The following SH3RF3 variants were observed in gnomAD, a reference collection of about 807,000 sequenced individuals.
The protein encoded by SH3RF3 is E3 ubiquitin-protein ligase SH3RF3.
SH3RF3 carries 29 observed loss-of-function variants against 66.3 expected under a neutral mutation model. The observed-to-expected ratio is 0.44, with a 90% CI of 0.33 to 0.60. The LOEUF (loss-of-function observed/expected upper bound fraction) is 0.60. Among genes scored for constraint, SH3RF3 ranks in the 20% least tolerant of loss-of-function variants. The probability of loss-of-function intolerance (pLI) is 0.04; values close to 1 mark genes in which losing one functional copy is unlikely to be tolerated. For missense variants in SH3RF3, 1,194 were observed against 1,190.9 expected (o/e 1.00, Z -0.04); for synonymous variants, 583 against 532.0 (o/e 1.10, Z -1.32).
intron 1 of SH3RF3, among the ~76,000 whole-genome samples, chr2:109,306,216 T>A (rs1194766964): frequency 6.6e-6 from 1 of 152,176 alleles, no homozygotes; most frequent in Non-Finnish European, 1.5e-5. Flanking sequence ...AGAGATGCAG[T>A]CTGCCAGATG....
intron 1 of SH3RF3, among the ~76,000 whole-genome samples, chr2:109,220,913 C>G (rs1283355372): frequency 6.6e-6 from 1 of 152,184 alleles, no homozygotes; most frequent in Non-Finnish European, 1.5e-5. Flanking sequence ...CAGTTCTATT[C>G]CTAGGCTTAT....
chr2:109,219,634 A>G (rs1304849850), intron 1 of SH3RF3, among the ~76,000 whole-genome samples: 2 of 152,244 alleles, frequency 1.3e-5, no homozygotes, highest in African/African-American at 4.8e-5. Flanking sequence ...CTCACAGTTC[A>G]GTTGTATTTC....
intron 3 of SH3RF3, among the ~76,000 whole-genome samples, chr2:109,390,929 G>A (rs948745299): frequency 2.6e-5 from 4 of 152,190 alleles, no homozygotes; most frequent in Non-Finnish European, 5.9e-5. Context: ...TGTGACAGCT[G>A]GGGTAGGCGG....
At chr2:109,214,470 A>G (rs1679063571) in intron 1 of SH3RF3, among the ~76,000 whole-genome samples, 1 of 149,748 alleles carries the variant, frequency 6.7e-6, no homozygotes, top group Non-Finnish European at 1.5e-5. Flanking sequence ...GTCATAGAAA[A>G]GAGAAAAAAA....
At chr2:109,306,095 A>G (rs935503392) in intron 1 of SH3RF3, among the ~76,000 whole-genome samples, 1 of 152,170 alleles carries the variant, frequency 6.6e-6, no homozygotes, top group African/African-American at 2.4e-5. Context: ...GCTTTTGTCT[A>G]CCTCACGCTA....
intron 3 of SH3RF3, among the ~76,000 whole-genome samples, chr2:109,387,319 C>T (rs1675849418): frequency 6.6e-6 from 1 of 152,158 alleles, no homozygotes; most frequent in Non-Finnish European, 1.5e-5. Context: ...CTGTTGTGTC[C>T]CTGTGCTGCT....
In SH3RF3 at chr2:109,170,546, A is replaced by G. The variant is rs374013609; in HGVS notation, c.573+40433A>G. On this transcript the variant is annotated intron_variant, in intron 1 of 9. Coordinates refer to ENST00000309415, the MANE Select transcript of SH3RF3 (RefSeq NM_001099289.3). ...TTTTTAGTAGAGATGGGGTTTCACTATGTTGGCCAGGATGGTCTCGATCTC... is the reference window on the plus strand; with the variant it reads ...TTTTTAGTAGAGATGGGGTTTCACTGTGTTGGCCAGGATGGTCTCGATCTC... Among the ~76,000 whole-genome samples the G allele has an allele frequency of 9.5e-4, 145 of 151,934 alleles. 1 individual carries two copies. The South Asian group carries it at 0.012, about 12-fold the overall frequency.
rs535104104 is a variant in SH3RF3, at chr2:109,413,154, G to A, written c.1300-6385G>A. Among the ~76,000 whole-genome samples, 4 of 152,212 alleles carry A rather than the reference G, an allele frequency of 2.6e-5. No individual in the cohort carries two copies. In the East Asian group the frequency reaches 5.8e-4, roughly 22 times the overall value. The stretch of plus-strand genomic sequence containing the variant: ...TTTTGAGATAGAGTCTTGCTCTGTC[G>A]CCCAGGCTGGAGTGCAGTGGCGTGA... On this transcript the variant is annotated intron_variant, in intron 4 of 9. Coordinates refer to ENST00000309415, the MANE Select transcript of SH3RF3 (RefSeq NM_001099289.3).
intron 1 of SH3RF3, among the ~76,000 whole-genome samples, chr2:109,186,539 T>C (rs1330905356): frequency 5.3e-5 from 8 of 152,202 alleles, no homozygotes; most frequent in Non-Finnish European, 8.8e-5. Flanking sequence ...AGAAAGTCAA[T>C]TCTGTTTTTG....
Position 109,502,195 on chromosome 2 carries a change from G to T in SH3RF3, c.*524G>T, listed in dbSNP as rs1471220579. ...AGCAGGGGTGTTTGTGAGGCCCTGGGGGTGCCCCGGAAGGGGCACCCCACC... is the reference window on the plus strand; with the variant it reads ...AGCAGGGGTGTTTGTGAGGCCCTGGTGGTGCCCCGGAAGGGGCACCCCACC... On this transcript the variant is annotated 3_prime_UTR_variant, in exon 10 of 10. Coordinates refer to ENST00000309415, the MANE Select transcript of SH3RF3 (RefSeq NM_001099289.3). The T allele has an allele frequency of 6.6e-6, 1 of 152,510 alleles. No individual in the cohort carries two copies. The highest frequency in any genetic ancestry group is 1.5e-5 in the Non-Finnish European group (1 of 68,140). The allele number at this position is 152,510 out of a possible 1,614,324, so 9.4% of individuals were successfully genotyped here. A position where few individuals can be genotyped will look rare whatever the true frequency, so the allele number is the denominator to read the frequency against.
intron 4 of SH3RF3, among the ~76,000 whole-genome samples, chr2:109,408,262 A>G (rs540738320): frequency 1.7e-4 from 26 of 152,316 alleles, no homozygotes; most frequent in African/African-American, 6.0e-4. Context: ...GGCCTCGATC[A>G]GTACAGGTAA....
intron 1 of SH3RF3, among the ~76,000 whole-genome samples, chr2:109,304,098 T>C (rs560305719): frequency 3.4e-5 from 5 of 146,456 alleles, no homozygotes; most frequent in African/African-American, 1.3e-4. Context: ...CAAAACTCCA[T>C]CTCAAAAAAA....
chr2:109,370,266 G>GTC (rs1683241103), intron 2 of SH3RF3, among the ~76,000 whole-genome samples: 1 of 149,734 alleles, frequency 6.7e-6, no homozygotes, highest in Non-Finnish European at 1.5e-5. Context: ...TTAATATGGA[G>GTC]TCTCACTCTG....
At chr2:109,156,944 A>G (rs183979809) in intron 1 of SH3RF3, among the ~76,000 whole-genome samples, 32 of 152,356 alleles carry the variant, frequency 2.1e-4, no homozygotes, top group Admixed American at 1.8e-3. Flanking sequence ...TTTCTTATTT[A>G]AAGACTACCA....
Position 109,347,704 on chromosome 2 carries a change from C to G in SH3RF3, c.604C>G (p.Leu202Val). The G allele has an allele frequency of 6.2e-7, 1 of 1,613,824 alleles. No individual in the cohort carries two copies. The highest frequency in any genetic ancestry group is 1.1e-5 in the South Asian group (1 of 91,070). The change falls in exon 2 of 10, where the codon CTC (leucine) becomes GTC (valine). Residue 202 changes from leucine (L) to valine (V), a missense_variant. Physicochemically the swap from Leu to Val is conservative, Grantham distance 32. Transcript: ENST00000309415. ...NPCLLPYGKA[L>V]YSYEGKEPGD... ...CTGCCTGCTTCCCTATGGCAAGGCC[C>G]TCTACAGCTACGAGGGGAAGGAACC...
Position 109,403,809 on chromosome 2 carries a change from A to C in SH3RF3, c.1299+4866A>C, listed in dbSNP as rs77611704. On this transcript the variant is annotated intron_variant, in intron 4 of 9. Coordinates refer to ENST00000309415, the MANE Select transcript of SH3RF3 (RefSeq NM_001099289.3). ...GTTGAGCACTTATCCTTGCACCTGC[A>C]ACCTTGGGTAAGCTGCCTGACCTCT... 6.9e-3 allele frequency among the ~76,000 whole-genome samples: 1,053 copies of C among 152,278 alleles called. 8 individuals carry two copies. The highest frequency in any genetic ancestry group is 0.041 in the East Asian group (210 of 5,174).
rs566123268 is a variant in SH3RF3 at position 109,149,014 on chromosome 2, A to G, written c.573+18901A>G. ...GTTTGCACTTCTGGCTTTCAACTGC[A>G]GATCCCCCTTTCTCTTCTCATTTAT... On this transcript the variant is annotated intron_variant, in intron 1 of 9. Coordinates refer to ENST00000309415, the MANE Select transcript of SH3RF3 (RefSeq NM_001099289.3). 2.6e-5 allele frequency among the ~76,000 whole-genome samples: 4 copies of G among 152,308 alleles called. No homozygotes were observed. The South Asian group carries it at 8.3e-4, about 32-fold the overall frequency.
intron 6 of SH3RF3, 59 bp downstream of exon 6, chr2:109,432,730 C>A (rs543925720): frequency 8.4e-6 from 13 of 1,551,128 alleles, no homozygotes; most frequent in East Asian, 2.3e-5. Context: ...CACGCCTTAC[C>A]GCTGTTGTTA....
intron 4 of SH3RF3, among the ~76,000 whole-genome samples, chr2:109,402,763 A>G (rs151223156): frequency 6.6e-6 from 1 of 152,334 alleles, no homozygotes; most frequent in Non-Finnish European, 1.5e-5. Context: ...CTTCTGGGCC[A>G]TGGGGGGCAG....
Sources: gnomAD v4.1 joint callset for allele counts (sites outside exome capture counted in the v4.1 genomes callset) on GRCh38, gnomAD v4.1.1 for gene constraint, MANE v1.5 for transcripts, NCBI Gene and HGNC (gene_info 2026-07-23, HGNC 2026-07-21) for gene names.